The following STRN3 variants were observed in gnomAD, a reference collection of about 807,000 sequenced individuals.
STRN3 encodes striatin 3.
In STRN3, 29 loss-of-function variants were observed where a neutral mutation model predicts 95.6. That is an observed-to-expected ratio of 0.30 (90% CI 0.23 to 0.41). The LOEUF is 0.41. STRN3 is among the 10% of genes least tolerant of loss of function. The probability of loss-of-function intolerance (pLI) is 1.00; values close to 1 mark genes in which losing one functional copy is unlikely to be tolerated. For synonymous variants in STRN3, 331 were observed against 357.6 expected, an observed-to-expected ratio of 0.93 and a Z score of 0.84; for missense variants, 890 against 972.1, an observed-to-expected ratio of 0.92 and a Z score of 1.12.
chr14:30,933,283 A>T (rs1340875503), intron 7 of STRN3, among the ~76,000 whole-genome samples: 6 of 148,802 alleles, frequency 4.0e-5, no homozygotes, highest in African/African-American at 9.9e-5. Flanking sequence ...TGTTTCATAA[A>T]AAAAAAAAAA....
chr14:31,020,610 A>C (rs1028688755), intron 1 of STRN3, among the ~76,000 whole-genome samples: 1 of 152,188 alleles, frequency 6.6e-6, no homozygotes, highest in South Asian at 2.1e-4. Context: ...AATTTGTTGT[A>C]ACATTTTATT....
At chr14:30,934,201 G>A (rs1318767817) in intron 7 of STRN3, among the ~76,000 whole-genome samples, 1 of 152,174 alleles carries the variant, frequency 6.6e-6, no homozygotes, top group Non-Finnish European at 1.5e-5. Flanking sequence ...GTGCACGCCT[G>A]TAATCCCAGC....
At chr14:30,924,538 C>T (rs539134818) in intron 8 of STRN3, among the ~76,000 whole-genome samples, 65 of 152,038 alleles carry the variant, frequency 4.3e-4, no homozygotes, top group African/African-American at 1.3e-3. Flanking sequence ...GTGATCTGCC[C>T]GCCTCAGCCT....
At chr14:31,019,886 C>CTTTTTTTTTTTTTTTT (rs67956918) in intron 1 of STRN3, among the ~76,000 whole-genome samples, 2 of 143,048 alleles carry the variant, frequency 1.4e-5, no homozygotes. Flanking sequence ...CACTCATTTT[C>CTTTTTTTTTTTTTTTT]TTTTTTTTTT....
At chr14:31,005,204 C>T (rs113727025) in intron 1 of STRN3, among the ~76,000 whole-genome samples, 222 of 152,184 alleles carry the variant, frequency 1.5e-3, no homozygotes, top group Admixed American at 4.6e-3. Context: ...TGGTGGCACA[C>T]GCCAGAAGTC....
intron 8 of STRN3, among the ~76,000 whole-genome samples, chr14:30,922,229 T>C (rs1308176982): frequency 6.6e-6 from 1 of 152,146 alleles, no homozygotes. Context: ...GGTCTCACCA[T>C]GCTGCCTAGC....
chr14:30,988,620 A>G (rs183259165), intron 1 of STRN3, among the ~76,000 whole-genome samples: 1 of 152,350 alleles, frequency 6.6e-6, no homozygotes, highest in Admixed American at 6.5e-5. Flanking sequence ...AAGAAAATGA[A>G]GTCATGGTAC....
intron 13 of STRN3, among the ~76,000 whole-genome samples, chr14:30,910,344 C>T (rs1337449910): frequency 6.6e-6 from 1 of 152,164 alleles, no homozygotes; most frequent in Non-Finnish European, 1.5e-5. Context: ...CTCTACTTTC[C>T]ATTAGTCTAA....
At chr14:30,955,808 TGCAAAGA>T in intron 2 of STRN3, 115 bp from the exon 3 acceptor site, 1 of 912,872 alleles carries the variant, frequency 1.1e-6, no homozygotes, top group South Asian at 2.0e-5. Context: ...AAACTTTGTT[TGCAAAGA>T]ACATTGAAGA....
chr14:30,937,599 G>A (rs1433971303), intron 5 of STRN3, among the ~76,000 whole-genome samples: 3 of 152,028 alleles, frequency 2.0e-5, no homozygotes, highest in African/African-American at 7.2e-5. Flanking sequence ...TAACAATAAA[G>A]GCAGCAACAA....
At position 30,894,770 on chromosome 14, in the gene STRN3, T is replaced by C. The variant is rs1896082480; in HGVS notation, c.*641A>G. 1 of 219,050 alleles carries C rather than the reference T, an allele frequency of 4.6e-6. No individual in the cohort carries two copies. Among genetic ancestry groups the C allele is most frequent in the Non-Finnish European group, 8.8e-6 (1 of 114,116 alleles). The allele number at this position is 219,050 out of a possible 1,614,324, so 13.6% of individuals were successfully genotyped here. A position where few individuals can be genotyped will look rare whatever the true frequency, so the allele number is the denominator to read the frequency against. On this transcript the variant is annotated 3_prime_UTR_variant, in exon 18 of 18. Transcript: ENST00000357479. ...TAGGGTTGTATAATGCAGAAAAACTTCAATACAATCTTGAGCACTGTTGTG... is the reference window on the plus strand; with the variant it reads ...TAGGGTTGTATAATGCAGAAAAACTCCAATACAATCTTGAGCACTGTTGTG...
chr14:30,910,644 T>A (rs1404736437), intron 13 of STRN3, among the ~76,000 whole-genome samples: 4 of 152,026 alleles, frequency 2.6e-5, no homozygotes, highest in Non-Finnish European at 5.9e-5. Context: ...ACAAAAAAAA[T>A]TTTTGGCTCC....
intron 1 of STRN3, among the ~76,000 whole-genome samples, chr14:31,015,525 T>C (rs556230036): frequency 1.1e-4 from 16 of 151,922 alleles, no homozygotes; most frequent in African/African-American, 3.6e-4. Flanking sequence ...GCATGCACCA[T>C]CACACCGAGC....
chr14:31,023,191 T>C (rs1240308563), intron 1 of STRN3, among the ~76,000 whole-genome samples: 5 of 152,236 alleles, frequency 3.3e-5, no homozygotes, highest in Non-Finnish European at 4.4e-5. Flanking sequence ...AGGCCTCTTA[T>C]CCTCTGGAGA....
intron 3 of STRN3, among the ~76,000 whole-genome samples, chr14:30,952,032 C>T (rs1031284543): frequency 2.0e-5 from 3 of 151,834 alleles, no homozygotes; most frequent in South Asian, 2.1e-4. Flanking sequence ...GCAAAAGGAT[C>T]GCTTGAACCC....
intron 1 of STRN3, among the ~76,000 whole-genome samples, chr14:31,006,369 T>A (rs928982361): frequency 1.3e-5 from 2 of 151,930 alleles, no homozygotes; most frequent in African/African-American, 4.8e-5. Context: ...GAGACTGGCC[T>A]GGGCAACACA....
chr14:31,018,645 C>T (rs942621437), intron 1 of STRN3: 10 of 474,354 alleles, frequency 2.1e-5, no homozygotes, highest in Admixed American at 9.6e-5. Flanking sequence ...AAGAACTTTG[C>T]GGACAAAACT....
At chr14:30,966,651 C>T (rs1048030227) in intron 1 of STRN3, among the ~76,000 whole-genome samples, 1 of 152,292 alleles carries the variant, frequency 6.6e-6, no homozygotes, top group Middle Eastern at 3.4e-3. Flanking sequence ...TGGTAAAGTA[C>T]TTCCTTTGTG....
At chr14:30,920,784 T>C (rs1896859318) in intron 8 of STRN3, among the ~76,000 whole-genome samples, 1 of 152,130 alleles carries the variant, frequency 6.6e-6, no homozygotes, top group Admixed American at 6.6e-5. Flanking sequence ...TTATCACATT[T>C]ATTATATCTC....
Sources: allele counts gnomAD v4.1 joint callset (sites outside exome capture counted in the v4.1 genomes callset), GRCh38; gene constraint gnomAD v4.1.1; transcripts MANE v1.5; gene names NCBI Gene and HGNC (gene_info 2026-07-23, HGNC 2026-07-21).